The following USP46 variants were observed in gnomAD, a reference collection of about 807,000 sequenced individuals.
USP46 encodes ubiquitin specific peptidase 46.
In USP46, 12 loss-of-function variants were observed where a neutral mutation model predicts 44.4. The observed-to-expected ratio is 0.27, with a 90% confidence interval of 0.17 to 0.44. The LOEUF (loss-of-function observed/expected upper bound fraction) is 0.44. Among genes scored for constraint, USP46 ranks in the 20% least tolerant of loss-of-function variants. The pLI is 1.00. For synonymous variants in USP46, 155 were observed against 161.5 expected, an observed-to-expected ratio of 0.96 and a Z score of 0.31; for missense variants, 248 against 444.8, an observed-to-expected ratio of 0.56 and a Z score of 3.98.
intron 1 of USP46, among the ~76,000 whole-genome samples, chr4:52,646,955 C>T (rs1348856371): frequency 6.6e-6 from 1 of 152,154 alleles, no homozygotes; most frequent in Non-Finnish European, 1.5e-5. Context: ...AAAATCCATC[C>T]CAGTTACAAA....
At position 52,591,257 on chromosome 4, in the gene USP46, G is replaced by T. The variant is rs1356176786; in HGVS notation, c.*6383C>A. The T allele has an allele frequency of 1.3e-5, 2 of 152,324 alleles. No individual in the cohort carries two copies. Among genetic ancestry groups the T allele is most frequent in the Middle Eastern group, 3.4e-3 (1 of 294 alleles). The allele number at this position is 152,324 out of a possible 1,614,324, so 9.4% of individuals were successfully genotyped here. On this transcript the variant is annotated 3_prime_UTR_variant, in exon 9 of 9. Transcript: ENST00000441222. ...CCGAAATATGAATATGGCTGCATTG[G>T]ATTCCAGAGGAGGACTTGATCAAAT...
chr4:52,630,736 C>CAAAAAAAAAAAAAAAAAAAAAAAAAAA (rs10566870), intron 2 of USP46, among the ~76,000 whole-genome samples: 2 of 92,292 alleles, frequency 2.2e-5, no homozygotes, highest in Non-Finnish European at 2.2e-5. Flanking sequence ...GACTCTGTCT[C>CAAAAAAAAAAAAAAAAAAAAAAAAAAA]AAAAAAAAAA....
At chr4:52,626,624 A>C (rs12505278) in intron 3 of USP46, among the ~76,000 whole-genome samples, 1 of 152,140 alleles carries the variant, frequency 6.6e-6, no homozygotes, top group African/African-American at 2.4e-5. Context: ...CGCCTGGCCC[A>C]TACTTCAACT....
chr4:52,656,740 A>C, intron 1 of USP46: 1 of 311,404 alleles, frequency 3.2e-6, no homozygotes, highest in Non-Finnish European at 4.8e-6. Context: ...CAAAGCCAAC[A>C]TGTGTTAGAA....
At chr4:52,621,129 T>C (rs1286345974) in intron 4 of USP46, among the ~76,000 whole-genome samples, 4 of 152,128 alleles carry the variant, frequency 2.6e-5, no homozygotes, top group Admixed American at 6.5e-5. Context: ...AACAGATAGA[T>C]AAAAACTTAT....
At chr4:52,605,950 T>A (rs1314689383) in intron 5 of USP46, among the ~76,000 whole-genome samples, 1 of 152,124 alleles carries the variant, frequency 6.6e-6, no homozygotes, top group Non-Finnish European at 1.5e-5. Flanking sequence ...AGCCTAAACA[T>A]CCCCTCTTTG....
chr4:52,654,625 G>C (rs1480023899), intron 1 of USP46, among the ~76,000 whole-genome samples: 1 of 151,830 alleles, frequency 6.6e-6, no homozygotes, highest in Non-Finnish European at 1.5e-5. Context: ...TGAATTCCTG[G>C]GCTCAAAGAA....
chr4:52,643,255 T>C (rs1475317209), intron 1 of USP46, among the ~76,000 whole-genome samples: 1 of 152,164 alleles, frequency 6.6e-6, no homozygotes, highest in African/African-American at 2.4e-5. Flanking sequence ...ACTCATAGAA[T>C]CCTGTCTGTT....
chr4:52,617,559 C>T (rs1717201940), intron 4 of USP46, among the ~76,000 whole-genome samples: 1 of 152,120 alleles, frequency 6.6e-6, no homozygotes, highest in African/African-American at 2.4e-5. Flanking sequence ...GAGGAATCAC[C>T]CCTGCAGGGG....
At chr4:52,603,482 G>C (rs925265789) in intron 6 of USP46, among the ~76,000 whole-genome samples, 2 of 152,164 alleles carry the variant, frequency 1.3e-5, no homozygotes, top group African/African-American at 2.4e-5. Context: ...TTGAGCATCT[G>C]CCAGCTGCCT....
At chr4:52,642,726 A>C (rs2109656507) in intron 1 of USP46, among the ~76,000 whole-genome samples, 1 of 152,346 alleles carries the variant, frequency 6.6e-6, no homozygotes, top group South Asian at 2.1e-4. Context: ...TTTCAAAATC[A>C]CTTCAAAGAC....
intron 1 of USP46, among the ~76,000 whole-genome samples, chr4:52,635,399 T>C (rs1718074437): frequency 1.3e-5 from 2 of 152,318 alleles, no homozygotes; most frequent in East Asian, 3.9e-4. Context: ...TTCACTGGAA[T>C]GCCCCCATTT....
intron 1 of USP46, among the ~76,000 whole-genome samples, chr4:52,652,216 C>G (rs924697510): frequency 5.3e-5 from 8 of 152,144 alleles, no homozygotes; most frequent in Admixed American, 1.3e-4. Flanking sequence ...ATCAGACTGG[C>G]AAAACATCAA....
At chr4:52,654,277 A>T (rs1241271412) in intron 1 of USP46, among the ~76,000 whole-genome samples, 1 of 152,212 alleles carries the variant, frequency 6.6e-6, no homozygotes, top group Non-Finnish European at 1.5e-5. Flanking sequence ...ATATTAACTA[A>T]ACTTATAATT....
intron 1 of USP46, among the ~76,000 whole-genome samples, chr4:52,646,577 T>A (rs1052634393): frequency 2.6e-5 from 4 of 152,150 alleles, no homozygotes; most frequent in Non-Finnish European, 4.4e-5. Flanking sequence ...AACAAAAAAA[T>A]TAAGGCTTGC....
intron 4 of USP46, among the ~76,000 whole-genome samples, chr4:52,615,533 AC>A (rs1262085607): frequency 1.3e-5 from 2 of 152,318 alleles, no homozygotes; most frequent in Admixed American, 6.5e-5. Context: ...TGAAGCTGGA[AC>A]ACTATTTCAC....
rs1280871128 is a variant in USP46, at chr4:52,593,374, G to A, written c.*4266C>T. 1 of 155,624 alleles carries A rather than the reference G, an allele frequency of 6.4e-6. No individual in the cohort carries two copies. The highest frequency in any genetic ancestry group is 2.4e-5 in the African/African-American group (1 of 41,662). The allele number at this position is 155,624 out of a possible 1,614,324, so 9.6% of individuals were successfully genotyped here. A position where few individuals can be genotyped will look rare whatever the true frequency, so the allele number is the denominator to read the frequency against. ...TCCCAACAGTCTCTGTTCCAGCTCA[G>A]TCAGGTTCAACTGCACTGCCCCGAG... is the stretch of plus-strand genomic sequence containing the variant. On this transcript the variant is annotated 3_prime_UTR_variant, in exon 9 of 9. Transcript: ENST00000441222.
intron 1 of USP46, among the ~76,000 whole-genome samples, chr4:52,631,635 C>T (rs1471099535): frequency 6.6e-6 from 1 of 152,200 alleles, no homozygotes; most frequent in Non-Finnish European, 1.5e-5. Context: ...CACACAATGC[C>T]TGCTCTCATG....
chr4:52,653,495 C>CAAAAAA (rs397880678), intron 1 of USP46, among the ~76,000 whole-genome samples: 2 of 53,004 alleles, frequency 3.8e-5, no homozygotes, highest in East Asian at 6.0e-4. Flanking sequence ...AACTCTATCT[C>CAAAAAA]AAAAAAAAAA....
Sources: gnomAD v4.1 joint callset for allele counts (sites outside exome capture counted in the v4.1 genomes callset) on GRCh38, gnomAD v4.1.1 for gene constraint, MANE v1.5 for transcripts, NCBI Gene and HGNC (gene_info 2026-07-23, HGNC 2026-07-21) for gene names.